EPAS1: variants seen among roughly 807,000 people sequenced by gnomAD.
The protein encoded by EPAS1 is endothelial PAS domain-containing protein 1.
EPAS1 carries 23 observed loss-of-function variants against 87.9 expected under a neutral mutation model. That is an observed-to-expected ratio of 0.26 (90% CI 0.19 to 0.37). EPAS1 has a LOEUF of 0.37. EPAS1 is among the 10% of genes least tolerant of loss of function. The pLI is 1.00. For synonymous variants in EPAS1, 508 were observed against 444.3 expected, an observed-to-expected ratio of 1.14 and a Z score of -1.80; for missense variants, 1,138 against 1,120.7, an observed-to-expected ratio of 1.02 and a Z score of -0.22.
chr2:46,342,510 A>C (rs1039690770), intron 1 of EPAS1, among the ~76,000 whole-genome samples: 1 of 152,186 alleles, frequency 6.6e-6, no homozygotes, highest in East Asian at 1.9e-4. Context: ...TTATAGGGTA[A>C]TAGGCATATT....
intron 1 of EPAS1, among the ~76,000 whole-genome samples, chr2:46,307,234 G>T (rs141025855): frequency 6.6e-6 from 1 of 152,230 alleles, no homozygotes; most frequent in African/African-American, 2.4e-5. Flanking sequence ...TGCCCAGGGT[G>T]AAGGGAGAGA....
intron 4 of EPAS1, among the ~76,000 whole-genome samples, chr2:46,357,587 T>C (rs1558600794): frequency 6.6e-6 from 1 of 152,292 alleles, no homozygotes; most frequent in East Asian, 1.9e-4. Flanking sequence ...GGTTAGAGCA[T>C]GTTACAGGCC....
intron 1 of EPAS1, among the ~76,000 whole-genome samples, chr2:46,338,118 T>C (rs979594623): frequency 6.6e-6 from 1 of 152,174 alleles, no homozygotes; most frequent in Non-Finnish European, 1.5e-5. Flanking sequence ...GGTCACCCAA[T>C]TACAATCAAG....
chr2:46,377,057 G>C (rs970124139), intron 9 of EPAS1, among the ~76,000 whole-genome samples: 2 of 152,232 alleles, frequency 1.3e-5, no homozygotes, highest in African/African-American at 4.8e-5. Context: ...AGATGAGAGG[G>C]AGGGGAGAGG....
At chr2:46,366,130 A>G (rs1684495391) in intron 6 of EPAS1, among the ~76,000 whole-genome samples, 1 of 152,238 alleles carries the variant, frequency 6.6e-6, no homozygotes, top group African/African-American at 2.4e-5. Context: ...GTGGCGCTGC[A>G]CCGCACGTGG....
At chr2:46,311,409 G>A (rs958852239) in intron 1 of EPAS1, among the ~76,000 whole-genome samples, 3 of 152,188 alleles carry the variant, frequency 2.0e-5, no homozygotes, top group East Asian at 1.9e-4. Context: ...GGAAAAGACT[G>A]CAGGTGCCAG....
chr2:46,299,305 G>A (rs1317107545), intron 1 of EPAS1, among the ~76,000 whole-genome samples: 1 of 152,212 alleles, frequency 6.6e-6, no homozygotes, highest in African/African-American at 2.4e-5. Flanking sequence ...CGCTAGGGGA[G>A]GGGATTGGGC....
At chr2:46,303,990 G>C (rs1683060594) in intron 1 of EPAS1, among the ~76,000 whole-genome samples, 1 of 152,178 alleles carries the variant, frequency 6.6e-6, no homozygotes, top group Non-Finnish European at 1.5e-5. Flanking sequence ...TGGAAGGACG[G>C]GAAGCCAAGT....
chr2:46,333,488 ATGT>A (rs1683728071), intron 1 of EPAS1, among the ~76,000 whole-genome samples: 1 of 151,984 alleles, frequency 6.6e-6, no homozygotes, highest in Non-Finnish European at 1.5e-5. Flanking sequence ...TGGCAGGCCT[ATGT>A]TGGCTCTCAA....
intron 4 of EPAS1, among the ~76,000 whole-genome samples, chr2:46,359,277 A>AAAAAAAAAAAAAC: frequency 6.7e-6 from 1 of 149,018 alleles, no homozygotes. Flanking sequence ...AAAAAAAAAA[A>AAAAAAAAAAAAAC]AAAAGATCAA....
At chr2:46,354,141 G>A (rs540284305) in intron 2 of EPAS1, among the ~76,000 whole-genome samples, 1 of 152,312 alleles carries the variant, frequency 6.6e-6, no homozygotes, top group African/African-American at 2.4e-5. Flanking sequence ...GAGGCTCCAG[G>A]AAAAAGATAA....
At position 46,346,568 on chromosome 2, in the gene EPAS1, C is replaced by T. The variant is rs980554317; in HGVS notation, c.27-305C>T. Among the ~76,000 whole-genome samples the T allele has an allele frequency of 6.6e-6, 1 of 152,210 alleles. No homozygotes were observed. The highest frequency in any genetic ancestry group is 2.4e-5 in the African/African-American group (1 of 41,444). On this transcript the variant is annotated intron_variant, in intron 1 of 15. Coordinates refer to ENST00000263734, the MANE Select transcript of EPAS1 (RefSeq NM_001430.5). This position sits in a 1 kb window ranked among gnomAD's most constrained non-coding sequence, Gnocchi z 4.0. Reference sequence around the variant, plus strand: ...ATCCCCAGATATTCCAGGGCTAGGTCCCAGGCATTGGTAGTTAATTTAATC... The same window carrying T: ...ATCCCCAGATATTCCAGGGCTAGGTTCCAGGCATTGGTAGTTAATTTAATC...
chr2:46,374,535 A>G (rs573908078), intron 7 of EPAS1, among the ~76,000 whole-genome samples: 1 of 152,290 alleles, frequency 6.6e-6, no homozygotes, highest in Non-Finnish European at 1.5e-5. Context: ...TACCGTTACT[A>G]CTATTATTAT....
chr2:46,343,730 A>G (rs886849021), intron 1 of EPAS1, among the ~76,000 whole-genome samples: 2 of 152,242 alleles, frequency 1.3e-5, no homozygotes, highest in Non-Finnish European at 2.9e-5. Context: ...TCTGGAAGCT[A>G]AGGTGTTGCT....
At chr2:46,366,725 A>G (rs1684508550) in intron 6 of EPAS1, among the ~76,000 whole-genome samples, 1 of 152,244 alleles carries the variant, frequency 6.6e-6, no homozygotes, top group African/African-American at 2.4e-5. Context: ...AAAGAAAGAA[A>G]AAAAAATAGT....
intron 1 of EPAS1, among the ~76,000 whole-genome samples, chr2:46,335,233 C>G (rs1055010365): frequency 2.0e-5 from 3 of 152,192 alleles, no homozygotes; most frequent in African/African-American, 7.2e-5. Flanking sequence ...GGATATTTCA[C>G]TATTAGCATG....
At chr2:46,333,322 T>G (rs1683724885) in intron 1 of EPAS1, among the ~76,000 whole-genome samples, 1 of 152,120 alleles carries the variant, frequency 6.6e-6, no homozygotes. Flanking sequence ...AGGTTTGACA[T>G]TTTGCCTGTG....
chr2:46,311,340 C>G (rs760054705), intron 1 of EPAS1, among the ~76,000 whole-genome samples: 11 of 152,158 alleles, frequency 7.2e-5, no homozygotes, highest in Non-Finnish European at 1.5e-4. Flanking sequence ...GCCTCAGGCC[C>G]GAGAGCAGGG....
chr2:46,356,127 T>TGGGGGGGGGGGGGGGGGCG, intron 2 of EPAS1, 24 bp from the exon 3 acceptor site: 1 of 1,395,474 alleles, frequency 7.2e-7, no homozygotes, highest in South Asian at 1.2e-5. Context: ...TCATGCAAGC[T>TGGGGGGGGGGGGGGGGGCG]GTCCCACCCC....
Sources: allele counts gnomAD v4.1 joint callset (sites outside exome capture counted in the v4.1 genomes callset), GRCh38; gene constraint gnomAD v4.1.1; non-coding constraint Gnocchi (gnomAD v3.1); transcripts MANE v1.5; gene names NCBI Gene and HGNC (gene_info 2026-07-23, HGNC 2026-07-21).